The following MTPN variants were observed in gnomAD, a reference collection of about 807,000 sequenced individuals.
MTPN encodes myotrophin, also known as granule cell differentiation protein.
A neutral mutation model predicts 13.5 loss-of-function variants in MTPN; 2 were observed. That is an observed-to-expected ratio of 0.15 (90% CI 0.06 to 0.47). The LOEUF (loss-of-function observed/expected upper bound fraction) is 0.47, where lower values mean the gene tolerates loss of function less well. MTPN is among the 20% of genes least tolerant of loss of function. The pLI, the probability that MTPN is intolerant of heterozygous loss-of-function variation, is 0.97. For synonymous variants in MTPN, 46 were observed against 51.7 expected, an observed-to-expected ratio of 0.89 and a Z score of 0.48; for missense variants, 79 against 137.9, an observed-to-expected ratio of 0.57 and a Z score of 2.14.
At chr7:135,934,712 G>C (rs1040325863) in intron 3 of MTPN, among the ~76,000 whole-genome samples, 1 of 152,094 alleles carries the variant, frequency 6.6e-6, no homozygotes, top group African/African-American at 2.4e-5. Flanking sequence ...AACATATATA[G>C]TATCTGAACA....
rs1379504101 is a variant in MTPN, at chr7:135,951,633, G to T, written c.73-3C>A. 3 of 1,596,720 alleles carry T rather than the reference G, an allele frequency of 1.9e-6. No individual in the cohort carries two copies. The highest frequency in any genetic ancestry group is 2.6e-6 in the Non-Finnish European group (3 of 1,167,558). On this transcript the variant is annotated splice_polypyrimidine_tract_variant and splice_region_variant and intron_variant, in intron 1 of 3. Transcript: ENST00000393085. The stretch of plus-strand genomic sequence containing the variant: ...AGTGTCCGGTTGACATCTTCTCCCT[G>T]ATAAGAAAACCAAATGAAAACAATA...
At chr7:135,944,105 C>G (rs1368613160) in intron 3 of MTPN, among the ~76,000 whole-genome samples, 1 of 151,968 alleles carries the variant, frequency 6.6e-6, no homozygotes, top group Non-Finnish European at 1.5e-5. Context: ...TGTAAATACA[C>G]CAGCATAAAT....
chr7:135,958,423 T>G (rs1267838905), intron 1 of MTPN, among the ~76,000 whole-genome samples: 1 of 152,172 alleles, frequency 6.6e-6, no homozygotes, highest in African/African-American at 2.4e-5. Context: ...AAAACCTTAT[T>G]AGGGTCTTTG....
At chr7:135,943,476 T>C (rs1056688698) in intron 3 of MTPN, among the ~76,000 whole-genome samples, 1 of 152,328 alleles carries the variant, frequency 6.6e-6, no homozygotes, top group East Asian at 1.9e-4. Flanking sequence ...AGAAAATACA[T>C]TTATCAAAAA....
At chr7:135,973,327 G>C (rs62489156) in intron 1 of MTPN, among the ~76,000 whole-genome samples, 35,808 of 149,390 alleles carry the variant, frequency 0.24, 4,612 homozygotes, top group Non-Finnish European at 0.26. Flanking sequence ...AAAGTAGTAA[G>C]AAGAAAGGAG....
At chr7:135,966,502 T>C (rs1799608344) in intron 1 of MTPN, among the ~76,000 whole-genome samples, 1 of 152,018 alleles carries the variant, frequency 6.6e-6, no homozygotes, top group Non-Finnish European at 1.5e-5. Flanking sequence ...AAATTTGAAG[T>C]ACAGTTTCTA....
Position 135,948,225 on chromosome 7 carries a change from C to G in MTPN, c.270+2374G>C, listed in dbSNP as rs1036617398. Among the ~76,000 whole-genome samples the G allele has an allele frequency of 3.3e-5, 5 of 152,218 alleles. No homozygotes were observed. The South Asian group carries it at 1.0e-3, about 32-fold the overall frequency. On this transcript the variant is annotated intron_variant, in intron 3 of 3. Transcript: ENST00000393085. Reference sequence around the variant, plus strand: ...AAAAAAAATCTGCCTAACAAAACTACAGGGTATCCATTAAAGAAGCTTATG... The same window carrying G: ...AAAAAAAATCTGCCTAACAAAACTAGAGGGTATCCATTAAAGAAGCTTATG...
intron 1 of MTPN, among the ~76,000 whole-genome samples, chr7:135,973,748 T>C (rs1799730747): frequency 6.6e-6 from 1 of 152,228 alleles, no homozygotes. Context: ...AGATGTTATT[T>C]ATAATTTGCA....
chr7:135,972,110 G>A (rs1318334257), intron 1 of MTPN, among the ~76,000 whole-genome samples: 3 of 152,052 alleles, frequency 2.0e-5, no homozygotes, highest in African/African-American at 4.8e-5. Flanking sequence ...TAGTTGTACC[G>A]GCTTCTTACA....
At chr7:135,964,538 G>A (rs530287305) in intron 1 of MTPN, among the ~76,000 whole-genome samples, 4 of 152,100 alleles carry the variant, frequency 2.6e-5, no homozygotes, top group African/African-American at 7.2e-5. Context: ...AAAAGATTTC[G>A]CAGAATCTAC....
intron 3 of MTPN, among the ~76,000 whole-genome samples, chr7:135,943,427 G>A (rs1799243047): frequency 1.3e-5 from 2 of 152,236 alleles, no homozygotes; most frequent in South Asian, 2.1e-4. Flanking sequence ...GGATATTCAA[G>A]TTTTACTAAC....
rs143780649 is a variant in MTPN at position 135,951,443 on chromosome 7, T to C, written c.186+74A>G. ...GAAGTTTCTACAAATAGCTATTTTA[T>C]AATCTATAGAAAACAATTACCCATA... On this transcript the variant is annotated intron_variant, in intron 2 of 3. Transcript: ENST00000393085. The C allele has an allele frequency of 8.9e-5, 68 of 766,434 alleles. No individual in the cohort carries two copies. The African/African-American group carries it at 1.1e-3, about 12-fold the overall frequency. 47.5% of individuals were successfully genotyped at this position (766,434 alleles called of 1,614,324 possible).
At chr7:135,975,946 C>T (rs1350224118) in intron 1 of MTPN, among the ~76,000 whole-genome samples, 4 of 152,214 alleles carry the variant, frequency 2.6e-5, no homozygotes, top group Non-Finnish European at 5.9e-5. Flanking sequence ...CCTAACACAG[C>T]CTCTGAAGCA....
Position 135,951,504 on chromosome 7 carries a change from G to T in MTPN, c.186+13C>A, listed in dbSNP as rs1052326436. ...AGAAAATTTTTTCAAGAATGATCAC[G>T]TCCTCTACGTACATTAATATCTGCT... On this transcript the variant is annotated intron_variant, in intron 2 of 3. Transcript: ENST00000393085. The T allele has an allele frequency of 1.3e-6, 2 of 1,574,196 alleles. No individual in the cohort carries two copies. The highest frequency in any genetic ancestry group is 1.1e-5 in the South Asian group (1 of 87,342).
intron 1 of MTPN, among the ~76,000 whole-genome samples, chr7:135,953,067 C>G (rs183875078): frequency 3.5e-4 from 53 of 152,246 alleles, no homozygotes; most frequent in African/African-American, 1.2e-3. Context: ...CATTTTACAG[C>G]CACTATAAAC....
chr7:135,977,010 T>A lies in MTPN; in HGVS notation c.72+19A>T, dbSNP rs963936950. ...AGCCCACCTCCGTGTTCTCGCCTAC[T>A]CTTCTCATCCCCGCTTACCTTGGCC... On this transcript the variant is annotated intron_variant, in intron 1 of 3. Transcript: ENST00000393085. The A allele has an allele frequency of 1.4e-6, 2 of 1,419,546 alleles. No homozygotes were observed. The highest frequency in any genetic ancestry group is 1.9e-6 in the Non-Finnish European group (2 of 1,056,916). The allele number at this position is 1,419,546 out of a possible 1,614,324, so 87.9% of individuals were successfully genotyped here. A position where few individuals can be genotyped will look rare whatever the true frequency, so the allele number is the denominator to read the frequency against.
rs1026033830 is a variant in MTPN at position 135,928,575 on chromosome 7, G to A, written c.*1351C>T. 2 of 166,862 alleles carry A rather than the reference G, an allele frequency of 1.2e-5. No homozygotes were observed. Among genetic ancestry groups the A allele is most frequent in the African/African-American group, 4.8e-5 (2 of 41,398 alleles). The allele number at this position is 166,862 out of a possible 1,614,324, so 10.3% of individuals were successfully genotyped here. A position where few individuals can be genotyped will look rare whatever the true frequency, so the allele number is the denominator to read the frequency against. ...TTTAGCAAGCTTATATGGATGGCAA[G>A]TCAAAGGAATCTTAATATTTTAAAT... On this transcript the variant is annotated 3_prime_UTR_variant, in exon 4 of 4. Transcript: ENST00000393085.
At chr7:135,945,985 CAACTAT>C (rs1432757729) in intron 3 of MTPN, among the ~76,000 whole-genome samples, 1 of 152,008 alleles carries the variant, frequency 6.6e-6, no homozygotes, top group Non-Finnish European at 1.5e-5. Flanking sequence ...TAAAATAGAA[CAACTAT>C]AACATGCTAA....
chr7:135,965,774 T>C (rs2116400980), intron 1 of MTPN, among the ~76,000 whole-genome samples: 1 of 152,198 alleles, frequency 6.6e-6, no homozygotes, highest in Admixed American at 6.5e-5. Context: ...ACTTGAAAAT[T>C]TAGAGCTATT....
Sources: gnomAD v4.1 joint callset for allele counts (sites outside exome capture counted in the v4.1 genomes callset) on GRCh38, gnomAD v4.1.1 for gene constraint, MANE v1.5 for transcripts, NCBI Gene and HGNC (gene_info 2026-07-23, HGNC 2026-07-21) for gene names.